Variants in TWF1 observed in about 807,000 individuals in gnomAD.
TWF1 encodes twinfilin-1.
A neutral mutation model predicts 47.9 loss-of-function variants in TWF1; 14 were observed. That is an observed-to-expected ratio of 0.29 (90% CI 0.19 to 0.46). TWF1 has a LOEUF of 0.46. Ranked by LOEUF, TWF1 falls within the 20% of genes least tolerant of loss-of-function variation. TWF1 has a pLI of 1.00. For synonymous variants in TWF1, 96 were observed against 139.2 expected (o/e 0.69, Z 2.18); for missense variants, 281 against 409.3 (o/e 0.69, Z 2.70).
At chr12:43,802,793 G>C (rs1313102952) in intron 2 of TWF1, among the ~76,000 whole-genome samples, 1 of 152,098 alleles carries the variant, frequency 6.6e-6, no homozygotes, top group East Asian at 1.9e-4. Flanking sequence ...CAAAATGTCT[G>C]AGCTTAAGTT....
At chr12:43,801,114 C>T (rs116609215) in intron 3 of TWF1, among the ~76,000 whole-genome samples, 2,084 of 152,022 alleles carry the variant, frequency 0.014, 38 homozygotes, top group African/African-American at 0.048. Flanking sequence ...CTCATAAGTT[C>T]AAGAATAAAA....
chr12:43,794,766 AAC>A lies in TWF1; in HGVS notation c.*817_*818del, dbSNP rs1365955856. On this transcript the variant is annotated 3_prime_UTR_variant, in exon 9 of 9. Coordinates refer to ENST00000395510, the MANE Select transcript of TWF1 (RefSeq NM_002822.5). ...GAGTATTTGCTCGGAAGTGATAAAG[AAC>A]ACAATTTGCCCATAAATGTATGGTT... 1 of 152,496 alleles carries A rather than the reference AAC, an allele frequency of 6.6e-6. No homozygotes were observed. Among genetic ancestry groups the A allele is most frequent in the African/African-American group, 2.4e-5 (1 of 41,564 alleles). 9.4% of individuals were successfully genotyped at this position (152,496 alleles called of 1,614,324 possible).
chr12:43,802,560 C>T (rs1365282134), intron 2 of TWF1, 96 bp from the exon 3 acceptor site: 1 of 902,514 alleles, frequency 1.1e-6, no homozygotes, highest in African/African-American at 1.7e-5. Context: ...AGTCATTTCC[C>T]AGTTACTATT....
chr12:43,799,801 T>A (rs1479925595), intron 4 of TWF1, among the ~76,000 whole-genome samples: 3 of 152,126 alleles, frequency 2.0e-5, no homozygotes, highest in Non-Finnish European at 1.5e-5. Flanking sequence ...ATAGGACAAC[T>A]GTAATTAACC....
chr12:43,796,457 G>A (rs1475078918), intron 8 of TWF1, among the ~76,000 whole-genome samples: 1 of 152,040 alleles, frequency 6.6e-6, no homozygotes, highest in Non-Finnish European at 1.5e-5. Flanking sequence ...AAGAAAATTG[G>A]TAGCTTAGTT....
In TWF1 at chr12:43,799,387, TTG is replaced by T; in HGVS notation, c.483+9_483+10del. 1 of 1,568,744 alleles carries T rather than the reference TTG, an allele frequency of 6.4e-7. No homozygotes were observed. Among genetic ancestry groups the T allele is most frequent in the Non-Finnish European group, 8.7e-7 (1 of 1,144,602 alleles). On this transcript the variant is annotated intron_variant, in intron 5 of 8. Coordinates refer to ENST00000395510, the MANE Select transcript of TWF1 (RefSeq NM_002822.5). Reference sequence around the variant, plus strand: ...TTAAAATCTTGCAAAGACTTTGTAGTTGTAACTTACCTCATTGATTTTAATCT... The same window carrying T: ...TTAAAATCTTGCAAAGACTTTGTAGTTAACTTACCTCATTGATTTTAATCT...
intron 1 of TWF1, chr12:43,805,469 AAGTGATCGCG>A (rs1203087783): frequency 2.2e-6 from 1 of 448,516 alleles, no homozygotes; most frequent in Admixed American, 2.4e-5. Flanking sequence ...AGAACTCGTT[AAGTGATCGCG>A]AGTAACCCGG....
intron 1 of TWF1, chr12:43,805,458 T>C: frequency 2.3e-6 from 1 of 441,648 alleles, no homozygotes; most frequent in South Asian, 1.6e-5. Flanking sequence ...GAGTTTACAC[T>C]AGAACTCGTT....
rs1252535789 is a variant in TWF1, at chr12:43,795,480, A to G, written c.*105T>C. On this transcript the variant is annotated 3_prime_UTR_variant, in exon 9 of 9. Transcript: ENST00000395510. ...TGAAAAGTGCTATTTTCCAAAAAGT[A>G]CAATTTTTTTCCCTACTTTATATCA... 8 of 1,160,186 alleles carry G rather than the reference A, an allele frequency of 6.9e-6. No homozygotes were observed. The highest frequency in any genetic ancestry group is 9.6e-6 in the Non-Finnish European group (8 of 835,586). 71.9% of individuals were successfully genotyped at this position (1,160,186 alleles called of 1,614,324 possible).
chr12:43,796,455 T>C (rs1184707637), intron 8 of TWF1, among the ~76,000 whole-genome samples: 1 of 152,146 alleles, frequency 6.6e-6, no homozygotes, highest in Non-Finnish European at 1.5e-5. Context: ...TTAAGAAAAT[T>C]GGTAGCTTAG....
intron 1 of TWF1, chr12:43,805,490 G>C (rs1345740598): frequency 2.2e-6 from 1 of 454,802 alleles, no homozygotes; most frequent in Non-Finnish European, 4.4e-6. Flanking sequence ...AGTAACCCGG[G>C]GATATATTAT....
intron 6 of TWF1, 48 bp downstream of exon 6, chr12:43,797,660 A>C: frequency 6.3e-7 from 1 of 1,592,756 alleles, no homozygotes; most frequent in Non-Finnish European, 8.5e-7. Context: ...TATGAGTCAT[A>C]AACTACCAAA....
At chr12:43,799,793 A>G (rs998519742) in intron 4 of TWF1, among the ~76,000 whole-genome samples, 2 of 152,130 alleles carry the variant, frequency 1.3e-5, no homozygotes, top group African/African-American at 4.8e-5. Context: ...GTAAGTCTAT[A>G]GGACAACTGT....
At chr12:43,798,612 T>G in intron 5 of TWF1, 2 of 1,477,008 alleles carry the variant, frequency 1.4e-6, no homozygotes, top group South Asian at 2.6e-5. Context: ...AAACAAACTA[T>G]CAAACTCGTA....
intron 3 of TWF1, 43 bp downstream of exon 3, chr12:43,802,243 T>C: frequency 7.5e-7 from 1 of 1,340,002 alleles, no homozygotes; most frequent in Non-Finnish European, 1.0e-6. Context: ...AAAAACATTT[T>C]TCTAGCATTT....
Position 43,796,395 on chromosome 12 carries a change from G to T in TWF1, c.882+581C>A, listed in dbSNP as rs182033944. Among the ~76,000 whole-genome samples, 12 of 152,010 alleles carry T rather than the reference G, an allele frequency of 7.9e-5. No homozygotes were observed. The East Asian group carries it at 1.5e-3, about 20-fold the overall frequency. On this transcript the variant is annotated intron_variant, in intron 8 of 8. Coordinates refer to ENST00000395510, the MANE Select transcript of TWF1 (RefSeq NM_002822.5). Reference sequence around the variant, plus strand: ...GGACCTGTATTTTTATGAGTTTAAGGGCTCAAGAATATATATCTTTCCCCA... The same window carrying T: ...GGACCTGTATTTTTATGAGTTTAAGTGCTCAAGAATATATATCTTTCCCCA...
At chr12:43,796,840 G>A in intron 8 of TWF1, 136 bp downstream of exon 8, 2 of 908,822 alleles carry the variant, frequency 2.2e-6, no homozygotes, top group African/African-American at 1.7e-5. Flanking sequence ...CAGGCACTTA[G>A]AGGAGATCCT....
At chr12:43,805,994 C>A in intron 1 of TWF1, 1 of 1,534,770 alleles carries the variant, frequency 6.5e-7, no homozygotes, top group Non-Finnish European at 8.7e-7. Flanking sequence ...CCCCGAATTT[C>A]GGATCAATCT....
chr12:43,806,132 G>A (rs1280076548), intron 1 of TWF1, 89 bp downstream of exon 1: 5 of 1,527,688 alleles, frequency 3.3e-6, no homozygotes, highest in African/African-American at 1.4e-5. Context: ...CTCCCGGCCC[G>A]ACTCCAGCCC....
Sources: gnomAD v4.1 joint callset for allele counts (sites outside exome capture counted in the v4.1 genomes callset) on GRCh38, gnomAD v4.1.1 for gene constraint, MANE v1.5 for transcripts, NCBI Gene and HGNC (gene_info 2026-07-23, HGNC 2026-07-21) for gene names.